The following KCNG2 variants were observed in gnomAD, a reference collection of about 807,000 sequenced individuals.
KCNG2 encodes the protein potassium voltage-gated channel modifier subfamily G member 2, also known as voltage-gated potassium channel regulatory subunit KCNG2.
KCNG2 carries 7 observed loss-of-function variants against 12.3 expected under a neutral mutation model. The observed-to-expected ratio is 0.57, with a 90% CI of 0.32 to 1.07. The LOEUF (loss-of-function observed/expected upper bound fraction) is 1.07, where lower values mean the gene tolerates loss of function less well. Among genes scored for constraint, KCNG2 ranks in the 50% least tolerant of loss-of-function variants. KCNG2 has a pLI of 0.04. For synonymous variants in KCNG2, 414 were observed against 351.4 expected, an observed-to-expected ratio of 1.18 and a Z score of -1.99; for missense variants, 703 against 726.0, an observed-to-expected ratio of 0.97 and a Z score of 0.36.
At chr18:79,851,262 A>G (rs1182076049) in intron 1 of KCNG2, among the ~76,000 whole-genome samples, 2 of 152,230 alleles carry the variant, frequency 1.3e-5, no homozygotes, top group South Asian at 2.1e-4. Context: ...GCAAGAATCA[A>G]TATTATCTTT....
At chr18:79,826,628 C>G (rs538711782) in intron 1 of KCNG2, among the ~76,000 whole-genome samples, 4 of 149,172 alleles carry the variant, frequency 2.7e-5, no homozygotes, top group African/African-American at 5.0e-5. Flanking sequence ...CAGCTCCTCA[C>G]GGAAGATTAC....
chr18:79,883,102 G>A (rs1448279715), intron 3 of KCNG2, among the ~76,000 whole-genome samples: 1 of 152,244 alleles, frequency 6.6e-6, no homozygotes, highest in Non-Finnish European at 1.5e-5. Context: ...TCCACGGTGC[G>A]CGGTGAAAAG....
chr18:79,881,924 G>A (rs923061067), intron 3 of KCNG2, among the ~76,000 whole-genome samples: 2 of 152,178 alleles, frequency 1.3e-5, no homozygotes, highest in East Asian at 1.9e-4. Context: ...GCCAGCCGGC[G>A]TTTGGCAAAG....
At chr18:79,892,129 A>C (rs35615281) in intron 3 of KCNG2, among the ~76,000 whole-genome samples, 3,417 of 150,982 alleles carry the variant, frequency 0.023, 105 homozygotes, top group African/African-American at 0.061. Flanking sequence ...AAAAAAAAAA[A>C]AACAACACAG....
intron 3 of KCNG2, among the ~76,000 whole-genome samples, chr18:79,897,924 A>G (rs1737576198): frequency 6.6e-6 from 1 of 152,114 alleles, no homozygotes; most frequent in South Asian, 2.1e-4. Context: ...GCCAGCTGAA[A>G]GCTCTGTTAT....
intron 1 of KCNG2, among the ~76,000 whole-genome samples, chr18:79,819,015 G>A (rs879605879): frequency 6.6e-6 from 1 of 152,180 alleles, no homozygotes; most frequent in Non-Finnish European, 1.5e-5. Context: ...AAACATTTGC[G>A]TGTTGAATGA....
chr18:79,823,012 C>G, intron 1 of KCNG2, among the ~76,000 whole-genome samples: 1 of 152,210 alleles, frequency 6.6e-6, no homozygotes, highest in Non-Finnish European at 1.5e-5. Flanking sequence ...TCCCACCTCC[C>G]TCCATGGGGA....
intron 1 of KCNG2, among the ~76,000 whole-genome samples, chr18:79,835,384 G>A (rs1050124525): frequency 2.0e-5 from 3 of 152,210 alleles, no homozygotes; most frequent in Non-Finnish European, 4.4e-5. Context: ...AAATTATTGG[G>A]CACAGATTTT....
At chr18:79,816,349 A>T (rs2087527464) in intron 1 of KCNG2, 1 of 152,260 alleles carries the variant, frequency 6.6e-6, no homozygotes, top group African/African-American at 2.4e-5. Context: ...AGGACCCAGC[A>T]CGTCTGTTCT....
At chr18:79,848,333 G>A (rs963912058) in intron 1 of KCNG2, among the ~76,000 whole-genome samples, 1 of 152,166 alleles carries the variant, frequency 6.6e-6, no homozygotes, top group Admixed American at 6.5e-5. Flanking sequence ...TCTCAACCCC[G>A]GGAGTCCCAA....
rs372227709 is a variant in KCNG2, at chr18:79,800,746, G to A, written c.-115+2732G>A. 2.8e-4 allele frequency among the ~76,000 whole-genome samples: 43 copies of A among 152,330 alleles called. 1 individual carries two copies. In the South Asian group the frequency reaches 6.8e-3, roughly 24 times the overall value. On this transcript the variant is annotated intron_variant, in intron 1 of 3. Transcript: ENST00000316249. This position sits in a 1 kb window ranked among gnomAD's most constrained non-coding sequence, Gnocchi z 4.0. ...TGCCTATGGTTGCAGTCGGCCTGGCGTGTCCTGCGGGCACCCGCAGGCTCT... is the reference window on the plus strand; with the variant it reads ...TGCCTATGGTTGCAGTCGGCCTGGCATGTCCTGCGGGCACCCGCAGGCTCT...
intron 1 of KCNG2, among the ~76,000 whole-genome samples, chr18:79,841,138 G>A (rs1355448031): frequency 1.3e-5 from 2 of 152,054 alleles, no homozygotes; most frequent in Non-Finnish European, 2.9e-5. Flanking sequence ...AGGCATGGTG[G>A]TGCACACCTG....
At chr18:79,816,193 G>A (rs1568243749) in intron 1 of KCNG2, 3 of 152,238 alleles carry the variant, frequency 2.0e-5, no homozygotes, top group South Asian at 4.1e-4. Flanking sequence ...GTTCAGAATC[G>A]GCTGAGGGAC....
intron 3 of KCNG2, among the ~76,000 whole-genome samples, chr18:79,888,699 ATT>A (rs879828678): frequency 6.9e-6 from 1 of 145,276 alleles, no homozygotes. Flanking sequence ...CTTTTGCCCA[ATT>A]TTTTTTTTTT....
intron 1 of KCNG2, among the ~76,000 whole-genome samples, chr18:79,818,044 C>A (rs947703682): frequency 6.6e-6 from 1 of 152,238 alleles, no homozygotes; most frequent in Non-Finnish European, 1.5e-5. Context: ...GCCTGCCCCT[C>A]GCCCCAGGAC....
At position 79,803,309 on chromosome 18, in the gene KCNG2, C is replaced by T. The variant is rs994658158; in HGVS notation, c.-115+5295C>T. Reference sequence around the variant, plus strand: ...CACAGGGCAGGGCCAGCCCCCTCACCTCTAGGCCTCCAGTTCTTCTTCCCG... The same window carrying T: ...CACAGGGCAGGGCCAGCCCCCTCACTTCTAGGCCTCCAGTTCTTCTTCCCG... On this transcript the variant is annotated intron_variant, in intron 1 of 3. Coordinates refer to ENST00000316249, the MANE Select transcript of KCNG2 (RefSeq NM_012283.2). The surrounding 1 kb of genome is among the most constrained non-coding windows in gnomAD (Gnocchi z 4.5). Among the ~76,000 whole-genome samples, 2 of 152,232 alleles carry T rather than the reference C, an allele frequency of 1.3e-5. No homozygotes were observed. The highest frequency in any genetic ancestry group is 2.9e-5 in the Non-Finnish European group (2 of 68,046).
At chr18:79,871,561 C>T (rs571414406) in intron 3 of KCNG2, among the ~76,000 whole-genome samples, 2 of 152,248 alleles carry the variant, frequency 1.3e-5, no homozygotes, top group South Asian at 2.1e-4. Flanking sequence ...TTGAGAATCT[C>T]GGGGGACGTC....
At chr18:79,898,990 G>A (rs1182216317) in intron 3 of KCNG2, 50 bp from the exon 4 acceptor site, 23 of 1,361,668 alleles carry the variant, frequency 1.7e-5, no homozygotes, top group South Asian at 4.5e-5. Context: ...AGGCGCCCCC[G>A]GCCCTCCAAG....
intron 1 of KCNG2, among the ~76,000 whole-genome samples, chr18:79,799,631 A>G (rs1344866431): frequency 6.6e-6 from 1 of 152,250 alleles, no homozygotes; most frequent in African/African-American, 2.4e-5. Flanking sequence ...TCCACTTTGC[A>G]AAAGTGTGTT....
Sources: allele counts gnomAD v4.1 joint callset (sites outside exome capture counted in the v4.1 genomes callset), GRCh38; gene constraint gnomAD v4.1.1; non-coding constraint Gnocchi (gnomAD v3.1); transcripts MANE v1.5; gene names NCBI Gene and HGNC (gene_info 2026-07-23, HGNC 2026-07-21).